Variants in NCAM2 observed in about 807,000 individuals in gnomAD.
NCAM2 encodes neural cell adhesion molecule 2, also known as N-CAM-2.
A neutral mutation model predicts 98.1 loss-of-function variants in NCAM2; 30 were observed. The ratio of observed to expected loss-of-function variants is 0.31; its 90% CI spans 0.23 to 0.41. NCAM2 has a LOEUF of 0.41. Among genes scored for constraint, NCAM2 ranks in the 10% least tolerant of loss-of-function variants. NCAM2 has a pLI of 1.00. For synonymous variants in NCAM2, 368 were observed against 342.4 expected (o/e 1.07, Z -0.83); for missense variants, 867 against 1,005.8 (o/e 0.86, Z 1.87).
intron 1 of NCAM2, among the ~76,000 whole-genome samples, chr21:21,182,519 T>G (rs955428146): frequency 7.2e-5 from 11 of 152,190 alleles, no homozygotes; most frequent in Admixed American, 2.6e-4. Flanking sequence ...ACTTTGATAT[T>G]CATCTCTATT....
chr21:21,223,004 A>C (rs1023308822), intron 1 of NCAM2, among the ~76,000 whole-genome samples: 1 of 152,168 alleles, frequency 6.6e-6, no homozygotes, highest in African/African-American at 2.4e-5. Context: ...ACGTTGATGC[A>C]AAACCCTCCA....
chr21:21,326,621 A>G (rs1453064086), intron 6 of NCAM2, among the ~76,000 whole-genome samples: 2 of 152,138 alleles, frequency 1.3e-5, no homozygotes, highest in African/African-American at 2.4e-5. Context: ...TAGAAATAGT[A>G]TTATATAGAC....
At chr21:21,515,652 G>A (rs62216122) in intron 16 of NCAM2, among the ~76,000 whole-genome samples, 1,914 of 152,092 alleles carry the variant, frequency 0.013, 24 homozygotes, top group Non-Finnish European at 0.02. Flanking sequence ...TAATTCAGTG[G>A]AAAATTTAAT....
intron 1 of NCAM2, among the ~76,000 whole-genome samples, chr21:21,145,077 C>T (rs978239308): frequency 1.3e-5 from 2 of 149,702 alleles, no homozygotes; most frequent in Non-Finnish European, 1.5e-5. Flanking sequence ...AGTTGATATC[C>T]ACTGCAGGTT....
At chr21:21,109,545 C>T (rs541922720) in intron 1 of NCAM2, among the ~76,000 whole-genome samples, 2 of 152,130 alleles carry the variant, frequency 1.3e-5, no homozygotes, top group African/African-American at 4.8e-5. Context: ...TCATTTCATT[C>T]AATTATTAAT....
intron 1 of NCAM2, among the ~76,000 whole-genome samples, chr21:21,007,385 T>C (rs1220025093): frequency 6.6e-6 from 1 of 152,122 alleles, no homozygotes; most frequent in Admixed American, 6.6e-5. Context: ...GGCAAGTCCA[T>C]AGAGTAAAGT....
chr21:21,410,031 G>C (rs1046662929), intron 9 of NCAM2, among the ~76,000 whole-genome samples: 8 of 152,086 alleles, frequency 5.3e-5, no homozygotes, highest in Non-Finnish European at 8.8e-5. Context: ...TACTCAGAAG[G>C]CTGAAGCAGG....
chr21:21,410,010 G>T (rs1267688194), intron 9 of NCAM2, among the ~76,000 whole-genome samples: 1 of 152,074 alleles, frequency 6.6e-6, no homozygotes, highest in East Asian at 1.9e-4. Context: ...GCGGGCACCT[G>T]TAGTCCCAGC....
At chr21:21,525,071 G>T (rs1030810355) in intron 16 of NCAM2, among the ~76,000 whole-genome samples, 1 of 152,046 alleles carries the variant, frequency 6.6e-6, no homozygotes, top group Non-Finnish European at 1.5e-5. Flanking sequence ...GATTTAAAGT[G>T]AATTATCTAG....
intron 6 of NCAM2, 22 bp from the exon 7 acceptor site, chr21:21,335,483 G>T: frequency 1.3e-6 from 2 of 1,573,176 alleles, no homozygotes; most frequent in Non-Finnish European, 1.7e-6. Flanking sequence ...CTGTGAGGAT[G>T]AACCTCTTTT....
chr21:21,159,415 C>G lies in NCAM2; in HGVS notation c.56-121163C>G, dbSNP rs137879005. On this transcript the variant is annotated intron_variant, in intron 1 of 17. Coordinates refer to ENST00000400546, the MANE Select transcript of NCAM2 (RefSeq NM_004540.5). Reference sequence around the variant, plus strand: ...CTCAAAACTCACTCACTGACTCACTCTGAATGAGGTCATGTCCTGCAAGCT... The same window carrying G: ...CTCAAAACTCACTCACTGACTCACTGTGAATGAGGTCATGTCCTGCAAGCT... Among the ~76,000 whole-genome samples, 201 of 152,276 alleles carry G rather than the reference C, an allele frequency of 1.3e-3. 1 individual carries two copies. The highest frequency in any genetic ancestry group is 4.5e-3 in the African/African-American group (189 of 41,580).
At chr21:21,483,373 A>G (rs13051869) in intron 15 of NCAM2, among the ~76,000 whole-genome samples, 126 of 151,526 alleles carry the variant, frequency 8.3e-4, no homozygotes, top group Non-Finnish European at 1.4e-3. Flanking sequence ...GCTAAAAAAA[A>G]TAATATAAAT....
chr21:21,096,733 G>A (rs373149555), intron 1 of NCAM2, among the ~76,000 whole-genome samples: 66 of 151,348 alleles, frequency 4.4e-4, no homozygotes, highest in Middle Eastern at 3.4e-3. Flanking sequence ...ATCTGCAAGC[G>A]TTTATTTAAT....
At chr21:21,136,578 T>G (rs1270862239) in intron 1 of NCAM2, among the ~76,000 whole-genome samples, 1 of 151,834 alleles carries the variant, frequency 6.6e-6, no homozygotes, top group Non-Finnish European at 1.5e-5. Flanking sequence ...TCTCCTGCCT[T>G]AGCCTCTGGA....
At chr21:21,196,626 T>C (rs1326888719) in intron 1 of NCAM2, among the ~76,000 whole-genome samples, 1 of 152,044 alleles carries the variant, frequency 6.6e-6, no homozygotes, top group African/African-American at 2.4e-5. Flanking sequence ...ATTTGTGGAG[T>C]GAGTGACTTC....
At chr21:21,510,167 A>C (rs553610516) in intron 16 of NCAM2, among the ~76,000 whole-genome samples, 1 of 152,306 alleles carries the variant, frequency 6.6e-6, no homozygotes, top group East Asian at 1.9e-4. Context: ...ATATCATTAC[A>C]TACAGTCTAA....
At chr21:21,132,806 A>G (rs1330956070) in intron 1 of NCAM2, among the ~76,000 whole-genome samples, 1 of 151,898 alleles carries the variant, frequency 6.6e-6, no homozygotes, top group Non-Finnish European at 1.5e-5. Flanking sequence ...CATAATGAAT[A>G]TTTTTTAAAA....
At chr21:21,014,156 T>C (rs2064262088) in intron 1 of NCAM2, among the ~76,000 whole-genome samples, 1 of 152,144 alleles carries the variant, frequency 6.6e-6, no homozygotes, top group African/African-American at 2.4e-5. Context: ...TCCTTAAGAA[T>C]TACGCTAAGT....
chr21:21,426,143 A>G (rs2077209241), intron 11 of NCAM2, among the ~76,000 whole-genome samples: 1 of 152,138 alleles, frequency 6.6e-6, no homozygotes, highest in Non-Finnish European at 1.5e-5. Context: ...CACATCCCAA[A>G]AGACCCCACC....
Sources: allele counts gnomAD v4.1 joint callset (sites outside exome capture counted in the v4.1 genomes callset), GRCh38; gene constraint gnomAD v4.1.1; transcripts MANE v1.5; gene names NCBI Gene and HGNC (gene_info 2026-07-23, HGNC 2026-07-21).